The following TMEM132C variants were observed in gnomAD, a reference collection of about 807,000 sequenced individuals.
TMEM132C encodes the protein transmembrane protein 132C.
A neutral mutation model predicts 61.4 loss-of-function variants in TMEM132C; 29 were observed. The ratio of observed to expected loss-of-function variants is 0.47; its 90% CI spans 0.35 to 0.64. The LOEUF (loss-of-function observed/expected upper bound fraction) is 0.64. TMEM132C is among the 30% of genes least tolerant of loss of function. The pLI is 0.00. For synonymous variants in TMEM132C, 656 were observed against 633.1 expected, an observed-to-expected ratio of 1.04 and a Z score of -0.54; for missense variants, 1,408 against 1,476.9, an observed-to-expected ratio of 0.95 and a Z score of 0.76.
intron 4 of TMEM132C, among the ~76,000 whole-genome samples, chr12:128,656,332 T>G (rs551005386): frequency 6.6e-6 from 1 of 152,324 alleles, no homozygotes; most frequent in East Asian, 1.9e-4. Flanking sequence ...ATTACAGACG[T>G]GAGCCACTGT....
intron 1 of TMEM132C, among the ~76,000 whole-genome samples, chr12:128,305,719 C>T (rs183689907): frequency 2.0e-5 from 3 of 152,052 alleles, no homozygotes; most frequent in African/African-American, 2.4e-5. Flanking sequence ...ATTTGCAAAT[C>T]GCCTATTTTA....
intron 4 of TMEM132C, among the ~76,000 whole-genome samples, chr12:128,668,591 G>A (rs1050371228): frequency 1.1e-4 from 16 of 152,276 alleles, no homozygotes; most frequent in East Asian, 7.7e-4. Context: ...GATCTAGCCC[G>A]TAAGGATCTG....
Position 128,543,969 on chromosome 12 carries a change from G to A in TMEM132C, c.987G>A (p.Lys329=). ...TTCATCCCCACAGAGCCAAGGTGAA[G>A]AAGGGGGTGAACATCCTGAGTGCTC... ...VDLFILRAKV[K]KGVNILSAQT... is the part of the protein sequence containing the mutation. The change falls in exon 3 of 9, where the codon AAG becomes AAA. Residue 329 remains lysine, a synonymous_variant. Coordinates refer to ENST00000435159, the MANE Select transcript of TMEM132C (RefSeq NM_001136103.3). The A allele has an allele frequency of 2.6e-6, 4 of 1,546,430 alleles. No individual in the cohort carries two copies. The highest frequency in any genetic ancestry group is 3.5e-6 in the Non-Finnish European group (4 of 1,144,706).
intron 3 of TMEM132C, among the ~76,000 whole-genome samples, chr12:128,555,895 G>A (rs1397060739): frequency 6.6e-6 from 1 of 151,810 alleles, no homozygotes. Context: ...TTGTTTTTTT[G>A]TGTGTGGAAA....
intron 1 of TMEM132C, among the ~76,000 whole-genome samples, chr12:128,393,285 G>C (rs1424223413): frequency 6.6e-6 from 1 of 152,174 alleles, no homozygotes; most frequent in African/African-American, 2.4e-5. Context: ...CAATTGGAAA[G>C]TCTCTCCCCA....
chr12:128,273,448 G>A (rs1192000521), intron 1 of TMEM132C, among the ~76,000 whole-genome samples: 4 of 151,908 alleles, frequency 2.6e-5, no homozygotes, highest in East Asian at 1.9e-4. Flanking sequence ...AATGTTGGTT[G>A]TTTATAGGCA....
chr12:128,491,129 G>A (rs1871703481), intron 2 of TMEM132C, among the ~76,000 whole-genome samples: 1 of 152,166 alleles, frequency 6.6e-6, no homozygotes, highest in African/African-American at 2.4e-5. Context: ...CCAAACAGAA[G>A]GTGACAGGCA....
At chr12:128,667,529 A>T (rs1456922062) in intron 4 of TMEM132C, among the ~76,000 whole-genome samples, 2 of 152,206 alleles carry the variant, frequency 1.3e-5, no homozygotes, top group Non-Finnish European at 2.9e-5. Context: ...CATCACAGAG[A>T]GGCCGAGGCT....
chr12:128,586,453 G>A (rs1034007301), intron 3 of TMEM132C, among the ~76,000 whole-genome samples: 4 of 151,806 alleles, frequency 2.6e-5, no homozygotes, highest in Non-Finnish European at 5.9e-5. Flanking sequence ...GACCTACTTT[G>A]CAAGACTAGA....
intron 4 of TMEM132C, among the ~76,000 whole-genome samples, chr12:128,626,486 C>A (rs1000654438): frequency 8.5e-6 from 1 of 117,520 alleles, no homozygotes; most frequent in African/African-American, 4.7e-5. Context: ...ACTCTGTCAC[C>A]CAGACTGGAG....
At chr12:128,646,112 AGT>A (rs1326578608) in intron 4 of TMEM132C, among the ~76,000 whole-genome samples, 2 of 145,632 alleles carry the variant, frequency 1.4e-5, no homozygotes, top group Non-Finnish European at 3.0e-5. Context: ...ATTGGATGTG[AGT>A]GTGTTTAGCT....
intron 8 of TMEM132C, among the ~76,000 whole-genome samples, chr12:128,704,878 A>C (rs541206127): frequency 6.6e-6 from 1 of 152,324 alleles, no homozygotes; most frequent in Non-Finnish European, 1.5e-5. Context: ...TTATGAGGGC[A>C]CTGTTAGTCA....
intron 5 of TMEM132C, among the ~76,000 whole-genome samples, chr12:128,688,278 A>C (rs1199899956): frequency 6.6e-6 from 1 of 152,232 alleles, no homozygotes; most frequent in East Asian, 1.9e-4. Context: ...GAAACGGTCC[A>C]GTCAAATCTT....
intron 8 of TMEM132C, among the ~76,000 whole-genome samples, chr12:128,704,695 C>T (rs915285697): frequency 5.3e-5 from 8 of 152,246 alleles, no homozygotes; most frequent in South Asian, 2.1e-4. Context: ...ATACTTAGGC[C>T]ACTAATCACA....
At chr12:128,380,036 T>G (rs954771736) in intron 1 of TMEM132C, among the ~76,000 whole-genome samples, 14 of 152,350 alleles carry the variant, frequency 9.2e-5, no homozygotes. Flanking sequence ...GCTTAATCTC[T>G]CCATGCCTCA....
intron 4 of TMEM132C, among the ~76,000 whole-genome samples, chr12:128,633,601 C>T (rs565667362): frequency 2.6e-5 from 4 of 152,188 alleles, no homozygotes; most frequent in Admixed American, 1.3e-4. Context: ...ATTTTTAAGA[C>T]AATAAAGGGA....
At chr12:128,601,735 G>A (rs1041034646) in intron 3 of TMEM132C, among the ~76,000 whole-genome samples, 7 of 143,320 alleles carry the variant, frequency 4.9e-5, no homozygotes, top group African/African-American at 1.1e-4. Flanking sequence ...GTGCAGTGGC[G>A]GTGGAGGGAC....
chr12:128,626,129 T>TTCTTTC (rs1405821127), intron 4 of TMEM132C, among the ~76,000 whole-genome samples: 10 of 144,514 alleles, frequency 6.9e-5, no homozygotes, highest in Non-Finnish European at 1.4e-4. Context: ...CTTTCTTTCT[T>TTCTTTC]TTTTTTTTTT....
At chr12:128,560,526 T>G (rs556236795) in intron 3 of TMEM132C, among the ~76,000 whole-genome samples, 1 of 152,336 alleles carries the variant, frequency 6.6e-6, no homozygotes, top group South Asian at 2.1e-4. Context: ...TTCTACATCT[T>G]AGCTTAAATA....
Sources: allele counts gnomAD v4.1 joint callset (sites outside exome capture counted in the v4.1 genomes callset), GRCh38; gene constraint gnomAD v4.1.1; transcripts MANE v1.5; gene names NCBI Gene and HGNC (gene_info 2026-07-23, HGNC 2026-07-21).